The following CLASP1 variants were observed in gnomAD, a reference collection of about 807,000 sequenced individuals.
CLASP1 encodes the protein cytoplasmic linker associated protein 1, also known as CLIP-associating protein 1.
In CLASP1, 38 loss-of-function variants were observed where a neutral mutation model predicts 192.3. The observed-to-expected ratio is 0.20, with a 90% CI of 0.15 to 0.26. The LOEUF is 0.26. CLASP1 is among the 10% of genes least tolerant of loss of function. CLASP1 has a pLI of 1.00. For synonymous variants in CLASP1, 691 were observed against 712.8 expected (o/e 0.97, Z 0.49); for missense variants, 1,433 against 1,932.5 (o/e 0.74, Z 4.85).
intron 2 of CLASP1, among the ~76,000 whole-genome samples, chr2:121,585,555 A>T (rs1279797564): frequency 6.6e-6 from 1 of 152,198 alleles, no homozygotes; most frequent in Non-Finnish European, 1.5e-5. Flanking sequence ...GGAAAAAACA[A>T]AAAACAGATC....
chr2:121,623,314 A>G (rs992000805), intron 1 of CLASP1, among the ~76,000 whole-genome samples: 4 of 152,126 alleles, frequency 2.6e-5, no homozygotes, highest in African/African-American at 9.7e-5. Flanking sequence ...CTTGTCTTTT[A>G]TTCTATTACA....
intron 1 of CLASP1, among the ~76,000 whole-genome samples, chr2:121,638,500 C>A (rs1048258308): frequency 6.6e-6 from 1 of 151,976 alleles, no homozygotes; most frequent in South Asian, 2.1e-4. Context: ...GAAATGAAAA[C>A]AGAGATTCAA....
exon 40 of CLASP1, chr2:121,338,744 T>A (rs1411518329): frequency 6.6e-6 from 1 of 152,178 alleles, no homozygotes; most frequent in East Asian, 1.9e-4. Flanking sequence ...GTGAGTACTA[T>A]GAGGACGTCC....
chr2:121,520,921 C>T (rs1214643878), intron 6 of CLASP1, among the ~76,000 whole-genome samples: 1 of 152,152 alleles, frequency 6.6e-6, no homozygotes, highest in Non-Finnish European at 1.5e-5. Context: ...TCTGTCCCTT[C>T]CCAGCAGCTG....
In CLASP1 at chr2:121,511,361, G is replaced by A. The variant is rs1288780967; in HGVS notation, c.644+4304C>T. Among the ~76,000 whole-genome samples the A allele has an allele frequency of 3.3e-5, 5 of 152,156 alleles. No homozygotes were observed. In the East Asian group the frequency reaches 9.6e-4, roughly 29 times the overall value. On this transcript the variant is annotated intron_variant, in intron 7 of 39. Coordinates refer to ENST00000263710, the Ensembl canonical transcript of CLASP1. ...CCCAGCACTTTGGGAGGCCGAGGCG[G>A]GTGGATCACCTGAGGTCGGGGGTTC...
intron 2 of CLASP1, among the ~76,000 whole-genome samples, chr2:121,536,378 GAAAA>G (rs59632661): frequency 4.1e-5 from 2 of 48,308 alleles, no homozygotes; most frequent in African/African-American, 8.6e-5. Context: ...AAGACTGTCT[GAAAA>G]AAAAAAAAAA....
intron 6 of CLASP1, among the ~76,000 whole-genome samples, chr2:121,522,113 T>A (rs1163096295): frequency 6.6e-6 from 1 of 152,172 alleles, no homozygotes. Context: ...GGATTGATTG[T>A]ATGTCTGTGT....
chr2:121,408,031 C>T (rs1323674210), intron 24 of CLASP1, among the ~76,000 whole-genome samples: 2 of 152,176 alleles, frequency 1.3e-5, no homozygotes, highest in Admixed American at 1.3e-4. Context: ...TGAAAGCCTC[C>T]TAGGCCTTTT....
At chr2:121,367,143 C>G (rs1044580819) in intron 35 of CLASP1, among the ~76,000 whole-genome samples, 2 of 152,200 alleles carry the variant, frequency 1.3e-5, no homozygotes, top group African/African-American at 4.8e-5. Flanking sequence ...AGGGAAGCCT[C>G]AGAGCAGTGC....
Position 121,485,546 on chromosome 2 carries a change from G to T in CLASP1, c.713-15586C>A, listed in dbSNP as rs2092912540. ...GAGGGCCTTCCAATTGTGTGTGTGT[G>T]TTTTTCCTTCAAATTTTGTATTTTA... On this transcript the variant is annotated intron_variant, in intron 8 of 39. Transcript: ENST00000263710. Among the ~76,000 whole-genome samples the T allele has an allele frequency of 3.9e-5, 6 of 152,088 alleles. No homozygotes were observed. The South Asian group carries it at 1.0e-3, about 26-fold the overall frequency.
At chr2:121,474,425 T>C (rs1575213884) in intron 8 of CLASP1, among the ~76,000 whole-genome samples, 1 of 152,170 alleles carries the variant, frequency 6.6e-6, no homozygotes, top group South Asian at 2.1e-4. Context: ...AACACCTGTA[T>C]GTAATGCTGC....
intron 8 of CLASP1, among the ~76,000 whole-genome samples, chr2:121,489,237 T>C (rs977890825): frequency 2.0e-5 from 3 of 152,224 alleles, no homozygotes; most frequent in African/African-American, 7.2e-5. Flanking sequence ...TATCACTGTA[T>C]ACCTTAAATT....
In CLASP1 at chr2:121,351,291, T is replaced by TC. The variant is rs1475313978; in HGVS notation, c.4207-2574dup. On this transcript the variant is annotated intron_variant, in intron 37 of 39. Transcript: ENST00000263710. ...CTCCCTATCAGACCAGTGACACTTT[T>TC]CCCCCAACTTCTGTTCCTCTGTCTG... Among the ~76,000 whole-genome samples the TC allele has an allele frequency of 2.6e-5, 4 of 152,170 alleles. No homozygotes were observed. The South Asian group carries it at 8.3e-4, about 32-fold the overall frequency.
chr2:121,531,119 C>G (rs771773278), intron 2 of CLASP1: 3 of 627,914 alleles, frequency 4.8e-6, no homozygotes, highest in Non-Finnish European at 8.8e-6. Flanking sequence ...GTTTTAGTGT[C>G]GCAAGTAAAG....
chr2:121,412,532 T>A (rs2077890006), intron 23 of CLASP1, among the ~76,000 whole-genome samples: 1 of 151,758 alleles, frequency 6.6e-6, no homozygotes, highest in South Asian at 2.1e-4. Context: ...AGAATGAAAG[T>A]AATTCAATTA....
At chr2:121,522,727 AG>A (rs1314147007) in intron 6 of CLASP1, among the ~76,000 whole-genome samples, 4 of 152,176 alleles carry the variant, frequency 2.6e-5, no homozygotes, top group Admixed American at 2.0e-4. Context: ...GGTATATGGC[AG>A]TATGTGTATA....
At position 121,481,696 on chromosome 2, in the gene CLASP1, G is replaced by A. The variant is rs116684824; in HGVS notation, c.713-11736C>T. Among the ~76,000 whole-genome samples, 129 of 152,220 alleles carry A rather than the reference G, an allele frequency of 8.5e-4. 2 individuals are homozygous for A. The highest frequency in any genetic ancestry group is 2.6e-3 in the African/African-American group (109 of 41,518). On this transcript the variant is annotated intron_variant, in intron 8 of 39. Coordinates refer to ENST00000263710, the Ensembl canonical transcript of CLASP1. ...ATTTTGTTACTTCTGTAATAAAACC[G>A]GACTCCCAGAGCACCAGTCTTGCCC...
At chr2:121,430,121 G>C (rs2081135922) in exon 20 of CLASP1, 1 of 1,578,734 alleles carries the variant, frequency 6.3e-7, no homozygotes, top group Non-Finnish European at 8.6e-7. Context: ...CGGTTATCAG[G>C]TGTAGAGGCG....
chr2:121,490,796 G>A (rs1250260102), intron 8 of CLASP1, among the ~76,000 whole-genome samples: 1 of 152,110 alleles, frequency 6.6e-6, no homozygotes, highest in Non-Finnish European at 1.5e-5. Flanking sequence ...CCTTGTATTC[G>A]TGACTATGGA....
Sources: allele counts gnomAD v4.1 joint callset (sites outside exome capture counted in the v4.1 genomes callset), GRCh38; gene constraint gnomAD v4.1.1; transcripts MANE v1.5; gene names NCBI Gene and HGNC (gene_info 2026-07-23, HGNC 2026-07-21).